The following NAALADL2 variants were observed in gnomAD, a reference collection of about 807,000 sequenced individuals.
NAALADL2 encodes inactive N-acetylated-alpha-linked acidic dipeptidase-like protein 2.
Under a neutral mutation model 87.2 loss-of-function variants are expected in NAALADL2, and 76 were observed. That is an observed-to-expected ratio of 0.87 (90% CI 0.72 to 1.05). The LOEUF is 1.05. Among genes scored for constraint, NAALADL2 ranks in the 50% least tolerant of loss-of-function variants. The pLI is 0.00. For synonymous variants in NAALADL2, 354 were observed against 331.0 expected (o/e 1.07, Z -0.75); for missense variants, 1,089 against 945.8 (o/e 1.15, Z -1.99).
At chr3:175,533,781 C>T (rs924766137) in intron 9 of NAALADL2, among the ~76,000 whole-genome samples, 15 of 152,114 alleles carry the variant, frequency 9.9e-5, no homozygotes, top group South Asian at 8.3e-4. Context: ...TTTTTCTGTA[C>T]AGGAGGTAAG....
chr3:175,050,809 C>A (rs564449358), intron 1 of NAALADL2, among the ~76,000 whole-genome samples: 141 of 152,240 alleles, frequency 9.3e-4, no homozygotes, highest in African/African-American at 3.3e-3. Context: ...GTGTTATCTT[C>A]AGTTATGAGT....
chr3:174,729,200 G>C (rs1295796580), intron 2 of NAALADL2, among the ~76,000 whole-genome samples: 1 of 151,940 alleles, frequency 6.6e-6, no homozygotes, highest in Non-Finnish European at 1.5e-5. Context: ...TGTCTGATTG[G>C]TTACCATGAA....
At chr3:174,982,133 C>G (rs1243733388) in intron 1 of NAALADL2, among the ~76,000 whole-genome samples, 1 of 152,172 alleles carries the variant, frequency 6.6e-6, no homozygotes, top group Non-Finnish European at 1.5e-5. Context: ...GAACCCACTT[C>G]AACAACATCA....
intron 2 of NAALADL2, among the ~76,000 whole-genome samples, chr3:174,734,057 T>C (rs1360049443): frequency 1.3e-5 from 2 of 152,208 alleles, no homozygotes; most frequent in African/African-American, 4.8e-5. Flanking sequence ...TCTATGGGAC[T>C]ACTGGGTTGG....
chr3:175,746,744 A>T (rs1327781188), intron 12 of NAALADL2, among the ~76,000 whole-genome samples: 1 of 152,216 alleles, frequency 6.6e-6, no homozygotes, highest in East Asian at 1.9e-4. Flanking sequence ...TTGTTTGCTC[A>T]AATTAATAGA....
chr3:174,605,756 A>AG (rs1491220264), intron 2 of NAALADL2, among the ~76,000 whole-genome samples: 2 of 152,068 alleles, frequency 1.3e-5, no homozygotes, highest in Non-Finnish European at 2.9e-5. Flanking sequence ...CAAAAAAAAA[A>AG]GGACAGCAGT....
At chr3:174,522,551 A>G (rs1044536250) in intron 1 of NAALADL2, among the ~76,000 whole-genome samples, 1 of 151,960 alleles carries the variant, frequency 6.6e-6, no homozygotes, top group Non-Finnish European at 1.5e-5. Flanking sequence ...TCCCAGTTAC[A>G]TGGGAGGCTG....
rs146718063 is a variant in NAALADL2, at chr3:174,541,525, TAATC to T, written c.-183-9038_-183-9035del. ...CATATTGAATAAATTGAACGTGGGT[TAATC>T]AATCATTCAACATATTCTAAGTGTG... is the stretch of plus-strand genomic sequence containing the variant. On this transcript the variant is annotated intron_variant, in intron 1 of 3. Transcript: ENST00000434257. Among the ~76,000 whole-genome samples, 1,376 of 152,314 alleles carry T rather than the reference TAATC, an allele frequency of 9.0e-3. 21 individuals carry two copies. The highest frequency in any genetic ancestry group is 0.032 in the African/African-American group (1,324 of 41,558).
At chr3:174,696,628 T>C (rs1158184875) in intron 2 of NAALADL2, among the ~76,000 whole-genome samples, 2 of 150,030 alleles carry the variant, frequency 1.3e-5, no homozygotes, top group Non-Finnish European at 3.0e-5. Context: ...GCCCTACTTA[T>C]TTAATGGCAG....
chr3:175,142,405 A>G (rs1424435078), intron 2 of NAALADL2, among the ~76,000 whole-genome samples: 2 of 152,052 alleles, frequency 1.3e-5, no homozygotes, highest in Non-Finnish European at 2.9e-5. Context: ...AGATCTTACT[A>G]TGTATGTTAC....
rs551117586 is a variant in NAALADL2 at position 174,948,337 on chromosome 3, C to T, written c.43+88887C>T. 1.2e-3 allele frequency among the ~76,000 whole-genome samples: 178 copies of T among 152,066 alleles called. 2 individuals carry two copies. The highest frequency in any genetic ancestry group is 0.011 in the South Asian group (53 of 4,814). On this transcript the variant is annotated intron_variant, in intron 1 of 13. Coordinates refer to ENST00000454872, the MANE Select transcript of NAALADL2 (RefSeq NM_207015.3). ...GACTATAGGCGTGTGCCACCAAACC[C>T]GGCTAATTTTTGTAATTTTAGTAGA... is the stretch of plus-strand genomic sequence containing the variant.
At chr3:174,850,106 G>C (rs1334877742) in intron 3 of NAALADL2, among the ~76,000 whole-genome samples, 1 of 152,054 alleles carries the variant, frequency 6.6e-6, no homozygotes, top group East Asian at 1.9e-4. Context: ...AAATACCTCA[G>C]CTTTTGTTTG....
In NAALADL2 at chr3:174,997,058, A is replaced by T. The variant is rs202151569; in HGVS notation, c.44-99732A>T. Among the ~76,000 whole-genome samples, 777 of 125,932 alleles carry T rather than the reference A, an allele frequency of 6.2e-3. 6 individuals carry two copies. Among genetic ancestry groups the T allele is most frequent in the Non-Finnish European group, 8.6e-3 (517 of 59,904 alleles). The allele number at this position is 125,932 out of a possible 152,430, so 82.6% of individuals were successfully genotyped here. On this transcript the variant is annotated intron_variant, in intron 1 of 13. Transcript: ENST00000454872. ...TGTGTGTATGTGTATATATATATAT[A>T]TTTTTTTTTTTAATCCACTCGTTGG...
intron 11 of NAALADL2, among the ~76,000 whole-genome samples, chr3:175,687,748 T>C (rs577894477): frequency 6.6e-6 from 1 of 152,186 alleles, no homozygotes; most frequent in Non-Finnish European, 1.5e-5. Flanking sequence ...CACTCACGGC[T>C]TGGTGCCGTC....
intron 2 of NAALADL2, among the ~76,000 whole-genome samples, chr3:174,719,912 C>A (rs377542455): frequency 6.6e-6 from 1 of 152,184 alleles, no homozygotes; most frequent in East Asian, 1.9e-4. Flanking sequence ...AGCGATTCTC[C>A]TGCCTCAGCC....
At chr3:175,037,767 A>T (rs1416338367) in intron 1 of NAALADL2, among the ~76,000 whole-genome samples, 3 of 152,096 alleles carry the variant, frequency 2.0e-5, no homozygotes, top group African/African-American at 7.2e-5. Flanking sequence ...CCTAGTTCTA[A>T]GGGGGTGGCT....
chr3:174,660,538 G>A (rs567717991), intron 2 of NAALADL2, among the ~76,000 whole-genome samples: 10 of 152,108 alleles, frequency 6.6e-5, no homozygotes, highest in South Asian at 2.1e-4. Flanking sequence ...GAAAGATCTC[G>A]CGTCCCGTTT....
chr3:175,731,527 G>A (rs562358882), intron 11 of NAALADL2, among the ~76,000 whole-genome samples: 2 of 152,176 alleles, frequency 1.3e-5, no homozygotes, highest in Non-Finnish European at 2.9e-5. Flanking sequence ...GGCCTCATAT[G>A]AATGTAAAGG....
At chr3:174,546,758 A>G (rs1722777839) in intron 1 of NAALADL2, among the ~76,000 whole-genome samples, 1 of 152,174 alleles carries the variant, frequency 6.6e-6, no homozygotes. Context: ...CCTAGGCTCA[A>G]GCAATCCTCC....
Sources: allele counts gnomAD v4.1 joint callset (sites outside exome capture counted in the v4.1 genomes callset), GRCh38; gene constraint gnomAD v4.1.1; transcripts MANE v1.5; gene names NCBI Gene and HGNC (gene_info 2026-07-23, HGNC 2026-07-21).